The following FAM20A variants were observed in gnomAD, a reference collection of about 807,000 sequenced individuals.
FAM20A encodes the protein FAM20A golgi associated secretory pathway pseudokinase, also known as pseudokinase FAM20A.
In FAM20A, 42 loss-of-function variants were observed where a neutral mutation model predicts 52.0. The ratio of observed to expected loss-of-function variants is 0.81; its 90% CI spans 0.63 to 1.04. FAM20A has a LOEUF of 1.04. Ranked by LOEUF, FAM20A falls within the 50% of genes least tolerant of loss-of-function variation. FAM20A has a pLI of 0.00. For missense variants in FAM20A, 742 were observed against 712.7 expected (o/e 1.04, Z -0.47); for synonymous variants, 304 against 298.9 (o/e 1.02, Z -0.18).
intron 1 of FAM20A, chr17:68,598,169 T>C (rs900463173): frequency 6.6e-6 from 1 of 152,058 alleles, no homozygotes; most frequent in African/African-American, 2.4e-5. Flanking sequence ...ACTGGCTATT[T>C]TTTTTGTTTG....
intron 1 of FAM20A, among the ~76,000 whole-genome samples, chr17:68,575,735 A>T (rs1430777270): frequency 8.2e-6 from 1 of 121,712 alleles, no homozygotes; most frequent in African/African-American, 3.1e-5. Context: ...TTTATATATT[A>T]TATATTTTAT....
At chr17:68,563,313 G>T (rs2087273369) in intron 1 of FAM20A, among the ~76,000 whole-genome samples, 1 of 151,638 alleles carries the variant, frequency 6.6e-6, no homozygotes, top group African/African-American at 2.4e-5. Context: ...TTGAACTCGG[G>T]AGGCGGGGGT....
rs2086126128 is a variant in FAM20A at position 68,537,442 on chromosome 17, C to T, written c.*35G>A. The T allele has an allele frequency of 6.2e-7, 1 of 1,613,732 alleles. No homozygotes were observed. Among genetic ancestry groups the T allele is most frequent in the Non-Finnish European group, 8.5e-7 (1 of 1,179,926 alleles). ...GCACTCGAGTCGACTGCTCTGGCTC[C>T]AGGCGTATTTTCTGAAACTGGACTC... On this transcript the variant is annotated 3_prime_UTR_variant, in exon 11 of 11. Coordinates refer to ENST00000592554, the MANE Select transcript of FAM20A (RefSeq NM_017565.4). The surrounding 1 kb of genome is among the most constrained non-coding windows in gnomAD (Gnocchi z 4.2).
At chr17:68,542,273 G>C (rs1600526959) in intron 6 of FAM20A, 108 bp from the exon 7 acceptor site, 1 of 1,208,746 alleles carries the variant, frequency 8.3e-7, no homozygotes, top group Admixed American at 2.0e-5. Context: ...TGAACTCACA[G>C]CTCGGGAAGA....
intron 1 of FAM20A, among the ~76,000 whole-genome samples, chr17:68,575,864 G>A (rs1337618489): frequency 7.4e-6 from 1 of 135,186 alleles, no homozygotes; most frequent in Admixed American, 8.3e-5. Context: ...AGCTGCCACC[G>A]GGCAGGGCGT....
chr17:68,566,164 C>G (rs2087371292), intron 1 of FAM20A, among the ~76,000 whole-genome samples: 1 of 152,196 alleles, frequency 6.6e-6, no homozygotes, highest in African/African-American at 2.4e-5. Flanking sequence ...TGTGAGCTTT[C>G]TTTCTCACTC....
At chr17:68,560,066 A>G (rs1216135993) in intron 1 of FAM20A, among the ~76,000 whole-genome samples, 1 of 152,186 alleles carries the variant, frequency 6.6e-6, no homozygotes, top group African/African-American at 2.4e-5. Flanking sequence ...ATGAGGGCAG[A>G]GCCCTCATGG....
Position 68,581,509 on chromosome 17 carries a change from C to G in FAM20A, c.404+18754G>C, listed in dbSNP as rs1409550749. Among the ~76,000 whole-genome samples the G allele has an allele frequency of 1.1e-4, 13 of 114,568 alleles. 1 individual carries two copies. Among genetic ancestry groups the G allele is most frequent in the Non-Finnish European group, 2.5e-4 (13 of 51,874 alleles). 75.2% of individuals were successfully genotyped at this position (114,568 alleles called of 152,430 possible). A position where few individuals can be genotyped will look rare whatever the true frequency, so the allele number is the denominator to read the frequency against. ...TTCTTTTTCTTTCTTTCTTCTTTCTCTTTCTCTCCTTTCTTTCTCTTTCTT... is the reference window on the plus strand; with the variant it reads ...TTCTTTTTCTTTCTTTCTTCTTTCTGTTTCTCTCCTTTCTTTCTCTTTCTT... On this transcript the variant is annotated intron_variant, in intron 1 of 10. Transcript: ENST00000592554.
chr17:68,549,494 C>CA (rs34993560), intron 4 of FAM20A, among the ~76,000 whole-genome samples: 1,295 of 126,812 alleles, frequency 0.01, 4 homozygotes, highest in African/African-American at 0.022. Context: ...AACTCCATCT[C>CA]AAAAAAAAAA....
In FAM20A at chr17:68,542,733, T is replaced by C. The variant is rs1003312947; in HGVS notation, c.889A>G (p.Lys297Glu). 42 of 1,614,046 alleles carry C rather than the reference T, an allele frequency of 2.6e-5. No homozygotes were observed. The highest frequency in any genetic ancestry group is 6.7e-5 in the Admixed American group (4 of 60,012). ...AAAACACTCTGCAGGATTTCATTCT[T>C]GGTGACCTCTAGGATTTCCTTGGTG... ...NVTKEILEVTKNEILQSVFFV... is the reference protein window; with the variant it reads ...NVTKEILEVTENEILQSVFFV... Residue 297 changes from lysine to glutamate, a missense_variant, in exon 6 of 11, where the codon AAG (lysine) becomes GAG (glutamate). By Grantham distance (56) the Lys-to-Glu change is moderately conservative. Coordinates refer to ENST00000592554, the MANE Select transcript of FAM20A (RefSeq NM_017565.4).
intron 1 of FAM20A, among the ~76,000 whole-genome samples, chr17:68,586,571 AGAG>A (rs1313823548): frequency 6.6e-6 from 1 of 152,238 alleles, no homozygotes; most frequent in East Asian, 1.9e-4. Context: ...CAAAGACAGA[AGAG>A]GAGGAGGCAA....
chr17:68,550,938 A>G (rs778433884), intron 4 of FAM20A: 36 of 573,582 alleles, frequency 6.3e-5, no homozygotes, highest in Non-Finnish European at 9.0e-5. Flanking sequence ...AGAACCATCT[A>G]CTGGGGCTCT....
chr17:68,546,155 C>T (rs1244892319), intron 4 of FAM20A, among the ~76,000 whole-genome samples: 4 of 119,982 alleles, frequency 3.3e-5, no homozygotes, highest in East Asian at 4.9e-4. Flanking sequence ...AGCAACAGAG[C>T]GAGACTCCAT....
chr17:68,596,085 G>A (rs1296260476), intron 1 of FAM20A, among the ~76,000 whole-genome samples: 1 of 152,100 alleles, frequency 6.6e-6, no homozygotes, highest in Non-Finnish European at 1.5e-5. Context: ...TTTTTGAAAA[G>A]CTGCCCAGTC....
chr17:68,550,527 C>A (rs916499447), intron 4 of FAM20A, among the ~76,000 whole-genome samples: 1 of 151,946 alleles, frequency 6.6e-6, no homozygotes. Flanking sequence ...ACTGCATACA[C>A]GCACCACCAT....
intron 1 of FAM20A, among the ~76,000 whole-genome samples, chr17:68,572,858 G>A (rs955055630): frequency 1.3e-5 from 2 of 151,608 alleles, no homozygotes; most frequent in African/African-American, 4.9e-5. Flanking sequence ...CTGCCTCCTC[G>A]CCCATTTATC....
chr17:68,556,557 AT>A (rs1449073082), intron 1 of FAM20A, among the ~76,000 whole-genome samples: 1 of 149,274 alleles, frequency 6.7e-6, no homozygotes, highest in African/African-American at 2.5e-5. Context: ...CTTCAGCTGG[AT>A]CCTAAAGAAC....
intron 1 of FAM20A, among the ~76,000 whole-genome samples, chr17:68,582,181 G>A (rs551941053): frequency 5.9e-5 from 9 of 152,326 alleles, no homozygotes; most frequent in African/African-American, 2.2e-4. Flanking sequence ...CAGAATTCCT[G>A]TCACTTCAAG....
intron 4 of FAM20A, among the ~76,000 whole-genome samples, chr17:68,548,834 G>A (rs879915247): frequency 7.1e-6 from 1 of 140,724 alleles, no homozygotes; most frequent in Non-Finnish European, 1.5e-5. Context: ...CCGGGTTCAC[G>A]CCATTCTCCT....
Sources: gnomAD v4.1 joint callset for allele counts (sites outside exome capture counted in the v4.1 genomes callset) on GRCh38, gnomAD v4.1.1 for gene constraint, Gnocchi (gnomAD v3.1) non-coding constraint, MANE v1.5 for transcripts, NCBI Gene and HGNC (gene_info 2026-07-23, HGNC 2026-07-21) for gene names.